GSK3B: variants seen among roughly 807,000 people sequenced by gnomAD.
GSK3B encodes glycogen synthase kinase 3 beta, also known as glycogen synthase kinase-3 beta.
Under a neutral mutation model 56.4 loss-of-function variants are expected in GSK3B, and 15 were observed. The observed-to-expected ratio is 0.27, with a 90% CI of 0.18 to 0.41. The LOEUF is 0.41. GSK3B is among the 10% of genes least tolerant of loss of function. The probability of loss-of-function intolerance (pLI) is 1.00; values close to 1 mark genes in which losing one functional copy is unlikely to be tolerated. For missense variants in GSK3B, 300 were observed against 513.4 expected, an observed-to-expected ratio of 0.58 and a Z score of 4.02; for synonymous variants, 181 against 188.9, an observed-to-expected ratio of 0.96 and a Z score of 0.34.
intron 3 of GSK3B, among the ~76,000 whole-genome samples, chr3:119,934,482 C>T (rs894462653): frequency 5.9e-5 from 9 of 152,132 alleles, no homozygotes; most frequent in South Asian, 2.1e-4. Context: ...AAGAAACTGC[C>T]ATGCAGGTAA....
At chr3:120,010,325 C>T (rs2057767428) in intron 1 of GSK3B, among the ~76,000 whole-genome samples, 1 of 152,080 alleles carries the variant, frequency 6.6e-6, no homozygotes, top group African/African-American at 2.4e-5. Context: ...TTATTCTCTC[C>T]CTCATTTGTA....
At chr3:120,079,343 CACACACAT>C (rs1284750187) in intron 1 of GSK3B, among the ~76,000 whole-genome samples, 17 of 125,710 alleles carry the variant, frequency 1.4e-4, no homozygotes, top group African/African-American at 4.6e-4. Context: ...CACACACACA[CACACACAT>C]TTTTTTTTTT....
intron 6 of GSK3B, among the ~76,000 whole-genome samples, chr3:119,908,299 G>A (rs2056702514): frequency 6.6e-6 from 1 of 152,124 alleles, no homozygotes; most frequent in Non-Finnish European, 1.5e-5. Flanking sequence ...GCTCACACCA[G>A]TATCTTATAT....
At chr3:119,965,129 T>C (rs1470172953) in intron 2 of GSK3B, among the ~76,000 whole-genome samples, 1 of 150,052 alleles carries the variant, frequency 6.7e-6, no homozygotes, top group Non-Finnish European at 1.5e-5. Context: ...CTCAGCTCAC[T>C]GCAACCTCCA....
chr3:119,905,998 A>C (rs1436533146), intron 6 of GSK3B, 146 bp from the exon 7 acceptor site: 4 of 589,818 alleles, frequency 6.8e-6, no homozygotes, highest in African/African-American at 1.8e-5. Context: ...AAAGTCATCA[A>C]ACTTCCTTAA....
At chr3:119,988,538 A>G (rs1288320186) in intron 2 of GSK3B, among the ~76,000 whole-genome samples, 1 of 152,250 alleles carries the variant, frequency 6.6e-6, no homozygotes, top group Non-Finnish European at 1.5e-5. Flanking sequence ...TTAAGGAACC[A>G]TACTTACAAA....
At chr3:119,951,904 T>C (rs1047731474) in intron 2 of GSK3B, among the ~76,000 whole-genome samples, 1 of 150,116 alleles carries the variant, frequency 6.7e-6, no homozygotes, top group Non-Finnish European at 1.5e-5. Flanking sequence ...AAACACATTA[T>C]AACAAAAATG....
At chr3:119,947,158 G>A in intron 3 of GSK3B, 110 bp downstream of exon 3, 3 of 701,940 alleles carry the variant, frequency 4.3e-6, no homozygotes, top group Non-Finnish European at 7.6e-6. Flanking sequence ...AAGTGTTTCG[G>A]AATTTTTCCA....
At chr3:120,072,536 G>A (rs553476961) in intron 1 of GSK3B, among the ~76,000 whole-genome samples, 13 of 152,158 alleles carry the variant, frequency 8.5e-5, no homozygotes, top group Non-Finnish European at 1.2e-4. Context: ...GCCATGAGCC[G>A]AGATCATGCC....
At chr3:119,992,181 AC>A (rs1376672600) in intron 2 of GSK3B, among the ~76,000 whole-genome samples, 1 of 152,116 alleles carries the variant, frequency 6.6e-6, no homozygotes, top group East Asian at 1.9e-4. Context: ...AAGAAAAGCT[AC>A]AAGGGCATAT....
intron 3 of GSK3B, among the ~76,000 whole-genome samples, chr3:119,939,942 A>AAT (rs1185530398): frequency 2.0e-5 from 3 of 152,084 alleles, no homozygotes; most frequent in African/African-American, 7.2e-5. Flanking sequence ...AAGGATTGAG[A>AAT]ATATGGCCCA....
At chr3:120,089,166 T>C (rs1009933153) in intron 1 of GSK3B, among the ~76,000 whole-genome samples, 3 of 152,214 alleles carry the variant, frequency 2.0e-5, no homozygotes, top group Non-Finnish European at 4.4e-5. Flanking sequence ...ATTTTCTAAA[T>C]GCAGTTCCCA....
At chr3:119,910,950 C>T (rs1205941501) in intron 6 of GSK3B, among the ~76,000 whole-genome samples, 2 of 152,220 alleles carry the variant, frequency 1.3e-5, no homozygotes, top group Non-Finnish European at 2.9e-5. Context: ...TCAGGCTCCA[C>T]TTCTAATTCT....
intron 3 of GSK3B, among the ~76,000 whole-genome samples, chr3:119,926,872 T>C (rs997112030): frequency 6.6e-6 from 1 of 152,168 alleles, no homozygotes; most frequent in African/African-American, 2.4e-5. Flanking sequence ...TAGTATGGCT[T>C]TCCTTAATCA....
rs574295854 is a variant in GSK3B, at chr3:119,924,537, C to T, written c.367-1054G>A. On this transcript the variant is annotated intron_variant, in intron 3 of 10. Transcript: ENST00000264235. ...AACTGTGTATAAAAGAAGCATTTCA[C>T]GCAGAGAGAGAAAACTATATTCAAA... 2.7e-4 allele frequency among the ~76,000 whole-genome samples: 41 copies of T among 149,368 alleles called. No homozygotes were observed. The South Asian group carries it at 6.9e-3, about 25-fold the overall frequency.
chr3:120,036,670 G>A (rs1271147552), intron 1 of GSK3B, among the ~76,000 whole-genome samples: 2 of 151,184 alleles, frequency 1.3e-5, no homozygotes, highest in Non-Finnish European at 2.9e-5. Flanking sequence ...GCGGGCACCT[G>A]AAATCCCAGC....
chr3:119,915,362 C>T (rs936963930), intron 5 of GSK3B, among the ~76,000 whole-genome samples: 3 of 151,884 alleles, frequency 2.0e-5, no homozygotes, highest in Non-Finnish European at 4.4e-5. Flanking sequence ...AAATTTAGTT[C>T]TTACTGAAAA....
chr3:119,921,063 G>A (rs1479043284), intron 4 of GSK3B, among the ~76,000 whole-genome samples: 4 of 152,044 alleles, frequency 2.6e-5, no homozygotes, highest in African/African-American at 9.7e-5. Flanking sequence ...AGATGAACTT[G>A]GAATACTTTG....
chr3:119,948,363 C>G (rs1311245475), intron 2 of GSK3B, among the ~76,000 whole-genome samples: 1 of 152,186 alleles, frequency 6.6e-6, no homozygotes, highest in Non-Finnish European at 1.5e-5. Flanking sequence ...GGTAGGATGG[C>G]TTCTAGTTCT....
Sources: allele counts gnomAD v4.1 joint callset (sites outside exome capture counted in the v4.1 genomes callset), GRCh38; gene constraint gnomAD v4.1.1; transcripts MANE v1.5; gene names NCBI Gene and HGNC (gene_info 2026-07-23, HGNC 2026-07-21).